DCC: variants seen among roughly 807,000 people sequenced by gnomAD.
The protein encoded by DCC is netrin receptor DCC.
In DCC, 58 loss-of-function variants were observed where a neutral mutation model predicts 172.5. That is an observed-to-expected ratio of 0.34 (90% CI 0.27 to 0.42). The LOEUF is 0.42. Among genes scored for constraint, DCC ranks in the 10% least tolerant of loss-of-function variants. The probability of loss-of-function intolerance (pLI) is 1.00; values close to 1 mark genes in which losing one functional copy is unlikely to be tolerated. For synonymous variants in DCC, 709 were observed against 644.5 expected, an observed-to-expected ratio of 1.10 and a Z score of -1.52; for missense variants, 1,740 against 1,791.0, an observed-to-expected ratio of 0.97 and a Z score of 0.51.
rs527941788 is a variant in DCC, at chr18:53,506,624, G to A, written c.4111+7114G>A. On this transcript the variant is annotated intron_variant, in intron 27 of 28. Transcript: ENST00000442544. ...CGTAATCCTAGCACTTTGGGAGGCT[G>A]AGGCAGGCAGATTGCCTGAGCTCAG... 4.6e-5 allele frequency among the ~76,000 whole-genome samples: 7 copies of A among 152,142 alleles called. No individual in the cohort carries two copies. In the South Asian group the frequency reaches 1.5e-3, roughly 32 times the overall value.
intron 5 of DCC, among the ~76,000 whole-genome samples, chr18:53,055,844 A>AG (rs1441595544): frequency 6.6e-6 from 1 of 152,134 alleles, no homozygotes; most frequent in Non-Finnish European, 1.5e-5. Context: ...CTTAAAAAAG[A>AG]GGGGAAGGAA....
At chr18:52,717,905 T>C (rs1413048500) in intron 1 of DCC, among the ~76,000 whole-genome samples, 1 of 152,196 alleles carries the variant, frequency 6.6e-6, no homozygotes, top group East Asian at 1.9e-4. Context: ...TTAAAAATGG[T>C]TAAAATTGTA....
At chr18:52,732,657 A>G (rs2036662629) in intron 1 of DCC, among the ~76,000 whole-genome samples, 2 of 152,180 alleles carry the variant, frequency 1.3e-5, no homozygotes, top group African/African-American at 4.8e-5. Flanking sequence ...TGATATAGAG[A>G]AATAAATCTG....
At chr18:52,917,146 A>G (rs1444099618) in intron 3 of DCC, among the ~76,000 whole-genome samples, 2 of 150,410 alleles carry the variant, frequency 1.3e-5, no homozygotes, top group Non-Finnish European at 3.0e-5. Flanking sequence ...ACAAAAAAAA[A>G]AAAACAAGAA....
intron 1 of DCC, among the ~76,000 whole-genome samples, chr18:52,674,581 C>A (rs2035616037): frequency 6.6e-6 from 1 of 152,154 alleles, no homozygotes; most frequent in Non-Finnish European, 1.5e-5. Context: ...CATAAAATTT[C>A]CCATCACAAG....
chr18:53,503,583 T>C (rs932635351), intron 27 of DCC, among the ~76,000 whole-genome samples: 4 of 152,228 alleles, frequency 2.6e-5, no homozygotes, highest in Non-Finnish European at 4.4e-5. Context: ...TATTGCATTA[T>C]AGATCTGACA....
At chr18:52,687,901 A>T (rs2035867976) in intron 1 of DCC, among the ~76,000 whole-genome samples, 1 of 152,136 alleles carries the variant, frequency 6.6e-6, no homozygotes, top group Non-Finnish European at 1.5e-5. Flanking sequence ...AAGAATCCAG[A>T]GAACAGTGCT....
At chr18:53,129,659 C>T (rs948804622) in intron 7 of DCC, among the ~76,000 whole-genome samples, 5 of 151,980 alleles carry the variant, frequency 3.3e-5, no homozygotes, top group Non-Finnish European at 7.4e-5. Context: ...TGTACCAATA[C>T]TTCATTCTTA....
intron 24 of DCC, among the ~76,000 whole-genome samples, chr18:53,466,079 T>G (rs1052694025): frequency 6.6e-6 from 1 of 152,208 alleles, no homozygotes; most frequent in African/African-American, 2.4e-5. Context: ...GATGCTTTTC[T>G]AATGTTGCCA....
chr18:53,472,647 T>A (rs1413363395), intron 25 of DCC, among the ~76,000 whole-genome samples: 1 of 152,190 alleles, frequency 6.6e-6, no homozygotes, highest in African/African-American at 2.4e-5. Flanking sequence ...CTGGCTATCC[T>A]CCCATTCTCA....
chr18:53,453,918 A>C (rs2045449630), intron 23 of DCC, among the ~76,000 whole-genome samples: 1 of 152,236 alleles, frequency 6.6e-6, no homozygotes, highest in Admixed American at 6.5e-5. Flanking sequence ...TTATAGAATC[A>C]CATGGTAGCA....
At chr18:53,343,249 T>A (rs1207329505) in intron 15 of DCC, among the ~76,000 whole-genome samples, 1 of 151,924 alleles carries the variant, frequency 6.6e-6, no homozygotes, top group Non-Finnish European at 1.5e-5. Context: ...TTGTGTCTGA[T>A]CTTAGGAGAA....
chr18:53,041,286 C>A (rs1020505319), intron 5 of DCC, among the ~76,000 whole-genome samples: 2 of 151,968 alleles, frequency 1.3e-5, no homozygotes, highest in Admixed American at 6.6e-5. Flanking sequence ...TTCCCCATTG[C>A]TTGTTTTTGT....
chr18:53,123,658 A>C (rs181570355), intron 7 of DCC, among the ~76,000 whole-genome samples: 1 of 152,124 alleles, frequency 6.6e-6, no homozygotes, highest in African/African-American at 2.4e-5. Flanking sequence ...AATTTCTGCC[A>C]ATTAGGTCAT....
intron 14 of DCC, among the ~76,000 whole-genome samples, chr18:53,322,752 G>A (rs919552659): frequency 4.0e-5 from 6 of 151,420 alleles, no homozygotes; most frequent in Non-Finnish European, 7.4e-5. Flanking sequence ...ATTAGCAAAT[G>A]AGAAATTGCT....
intron 5 of DCC, among the ~76,000 whole-genome samples, chr18:52,959,037 G>C (rs139152153): frequency 0.014 from 2,056 of 152,122 alleles, 61 homozygotes; most frequent in African/African-American, 0.048. Context: ...TTGTGTGGCC[G>C]AAGACAGTTC....
chr18:52,535,269 T>C (rs2032257170), intron 1 of DCC, among the ~76,000 whole-genome samples: 1 of 152,178 alleles, frequency 6.6e-6, no homozygotes, highest in Admixed American at 6.5e-5. Context: ...TGCCTTGCCT[T>C]TGTCCTGAAT....
chr18:53,370,551 C>A (rs961718655), intron 15 of DCC, among the ~76,000 whole-genome samples: 1 of 151,826 alleles, frequency 6.6e-6, no homozygotes, highest in African/African-American at 2.4e-5. Context: ...ACTTCTGCTG[C>A]AACTCATGTG....
At chr18:52,583,006 G>A (rs954176497) in intron 1 of DCC, among the ~76,000 whole-genome samples, 5 of 151,826 alleles carry the variant, frequency 3.3e-5, no homozygotes, top group Admixed American at 2.0e-4. Context: ...TAATCAACAC[G>A]GCAAAAATTA....
Sources: gnomAD v4.1 joint callset for allele counts (sites outside exome capture counted in the v4.1 genomes callset) on GRCh38, gnomAD v4.1.1 for gene constraint, MANE v1.5 for transcripts, NCBI Gene and HGNC (gene_info 2026-07-23, HGNC 2026-07-21) for gene names.